SYTL5: variants seen among roughly 807,000 people sequenced by gnomAD.
The protein encoded by SYTL5 is synaptotagmin like 5, also known as synaptotagmin-like protein 5.
In SYTL5, 34 loss-of-function variants were observed where a neutral mutation model predicts 55.9. That is an observed-to-expected ratio of 0.61 (90% confidence interval 0.46 to 0.81). SYTL5 has a LOEUF of 0.81. SYTL5 is among the 30% of genes least tolerant of loss of function. The pLI, the probability that SYTL5 is intolerant of heterozygous loss-of-function variation, is 0.00. For synonymous variants in SYTL5, 221 were observed against 188.7 expected (o/e 1.17, Z -1.40); for missense variants, 637 against 546.7 (o/e 1.17, Z -1.65).
the SYTL5 span, among the ~76,000 whole-genome samples, chrX:37,911,019 G>A: frequency 2.7e-4 from 27 of 99,712 alleles, no homozygotes. Context: ...GGGATAGAGT[G>A]CAGCGGCGCC....
the SYTL5 span, among the ~76,000 whole-genome samples, chrX:37,925,677 T>A: frequency 9.0e-6 from 1 of 110,803 alleles, no homozygotes; most frequent in Non-Finnish European, 1.9e-5. Flanking sequence ...TCTTTAGTGG[T>A]GATTTTTGAG....
chrX:38,080,448 A>ACT (rs1936502292), intron 6 of SYTL5, among the ~76,000 whole-genome samples: 1 of 110,884 alleles, frequency 9.0e-6, no homozygotes, highest in Non-Finnish European at 1.9e-5. Context: ...CTCCACGCAC[A>ACT]CCAGTTTCAT....
chrX:38,113,884 G>A (rs1035094138), intron 13 of SYTL5, among the ~76,000 whole-genome samples: 1 of 111,108 alleles, frequency 9.0e-6, no homozygotes, highest in Non-Finnish European at 1.9e-5. Flanking sequence ...TCAATGACTG[G>A]TGGATTAAGG....
the SYTL5 span, among the ~76,000 whole-genome samples, chrX:37,932,508 AC>A: frequency 2.7e-5 from 3 of 111,804 alleles, no homozygotes; most frequent in African/African-American, 9.7e-5. Flanking sequence ...GAAAAGGAGA[AC>A]AAATAAACAA....
chrX:37,939,828 C>G, the SYTL5 span: 7 of 111,047 alleles, frequency 6.3e-5, no homozygotes, highest in Non-Finnish European at 1.1e-4. Context: ...TCTGCCCTAT[C>G]TTTTTGTCTT....
At chrX:37,889,644 T>G in the SYTL5 span, among the ~76,000 whole-genome samples, 1 of 111,216 alleles carries the variant, frequency 9.0e-6, no homozygotes, top group Non-Finnish European at 1.9e-5. Flanking sequence ...AAAGTAAAAT[T>G]TACCTAATAA....
At chrX:38,075,990 A>G (rs1010065656) in intron 5 of SYTL5, among the ~76,000 whole-genome samples, 7 of 112,117 alleles carry the variant, frequency 6.2e-5, no homozygotes, top group Admixed American at 5.7e-4. Context: ...ATCAGATTTT[A>G]TCCAACATGA....
rs759169726 is a variant in SYTL5 at position 38,096,546 on chromosome X, ATAT to A, written c.1062+318_1062+320del. On this transcript the variant is annotated intron_variant, in intron 9 of 16. Coordinates refer to ENST00000297875, the MANE Select transcript of SYTL5 (RefSeq NM_138780.3). The stretch of plus-strand genomic sequence containing the variant: ...AGATCCTAACATTTTCCTTAGCCAA[ATAT>A]TATTAGAAATATCTGATTACATATT... Among the ~76,000 whole-genome samples the A allele has an allele frequency of 8.3e-3, 926 of 111,559 alleles. 5 individuals are homozygous for A. The highest frequency in any genetic ancestry group is 0.047 in the Middle Eastern group (10 of 211).
chrX:37,937,793 C>G, the SYTL5 span, among the ~76,000 whole-genome samples: 1 of 112,371 alleles, frequency 8.9e-6, no homozygotes, highest in African/African-American at 3.2e-5. Flanking sequence ...CATGAGTGAG[C>G]TACACAGATG....
intron 1 of SYTL5, among the ~76,000 whole-genome samples, chrX:38,007,115 C>A (rs1489788013): frequency 9.0e-6 from 1 of 111,642 alleles, no homozygotes; most frequent in Non-Finnish European, 1.9e-5. Context: ...CTCTGAATTT[C>A]TTTCATTTAT....
intron 1 of SYTL5, among the ~76,000 whole-genome samples, chrX:38,019,728 G>A (rs1934480636): frequency 1.8e-5 from 2 of 111,154 alleles, no homozygotes; most frequent in Non-Finnish European, 3.8e-5. Context: ...CTCCCACGTG[G>A]AGGGTGCCTC....
chrX:38,056,739 G>A (rs769374820), intron 3 of SYTL5, among the ~76,000 whole-genome samples: 9 of 111,716 alleles, frequency 8.1e-5, no homozygotes, highest in African/African-American at 1.6e-4. Flanking sequence ...TTTCATATGC[G>A]TGTTTGCCAT....
chrX:38,023,435 C>G (rs1934632063), intron 1 of SYTL5, among the ~76,000 whole-genome samples: 1 of 111,715 alleles, frequency 9.0e-6, no homozygotes, highest in Admixed American at 9.5e-5. Flanking sequence ...TCTCTGACCC[C>G]TAACAATCCA....
the SYTL5 span, among the ~76,000 whole-genome samples, chrX:37,900,502 G>A: frequency 8.9e-6 from 1 of 111,853 alleles, no homozygotes; most frequent in Admixed American, 9.5e-5. Flanking sequence ...TTTTGAAGGA[G>A]GCAGTCAGGA....
At chrX:37,937,042 T>A in the SYTL5 span, among the ~76,000 whole-genome samples, 1 of 49,423 alleles carries the variant, frequency 2.0e-5, no homozygotes, top group Admixed American at 3.3e-4. Context: ...AGAGCAAGAC[T>A]GTCTCAAAAA....
At chrX:37,905,619 G>C in the SYTL5 span, among the ~76,000 whole-genome samples, 1 of 112,299 alleles carries the variant, frequency 8.9e-6, no homozygotes, top group South Asian at 3.7e-4. Context: ...TTGCAGACCG[G>C]TTGTTAAGTC....
At chrX:38,050,072 C>G (rs747881342) in intron 2 of SYTL5, among the ~76,000 whole-genome samples, 81 of 111,753 alleles carry the variant, frequency 7.2e-4, no homozygotes, top group Non-Finnish European at 1.4e-3. Flanking sequence ...CTCCCTTAGG[C>G]CTTGATGTGC....
intron 2 of SYTL5, among the ~76,000 whole-genome samples, chrX:38,036,658 C>T (rs1428995663): frequency 8.9e-6 from 1 of 112,091 alleles, no homozygotes; most frequent in African/African-American, 3.2e-5. Flanking sequence ...CTCTTAACAG[C>T]TTGGTGTATT....
Position 38,120,435 on chromosome X carries a change from G to A in SYTL5, c.1674G>A (p.Glu558=). Residue 558 remains glutamate, a synonymous_variant, in exon 14 of 17, where the codon GAG becomes GAA. Coordinates refer to ENST00000297875, the MANE Select transcript of SYTL5 (RefSeq NM_138780.3). The part of the protein sequence containing the change: ...TVVLRYIPPE[E]NLMLPPEQLQ... Reference sequence around the variant, plus strand: ...TTTTACGTTACATTCCCCCAGAAGAGAACCTGATGCTTCCACCAGAACAAC... The same window carrying A: ...TTTTACGTTACATTCCCCCAGAAGAAAACCTGATGCTTCCACCAGAACAAC... 1 of 1,208,430 alleles carries A rather than the reference G, an allele frequency of 8.3e-7. No homozygotes were observed. The highest frequency in any genetic ancestry group is 1.8e-5 in the South Asian group (1 of 56,892).
Sources: gnomAD v4.1 joint callset for allele counts (sites outside exome capture counted in the v4.1 genomes callset) on GRCh38, gnomAD v4.1.1 for gene constraint, MANE v1.5 for transcripts, NCBI Gene and HGNC (gene_info 2026-07-23, HGNC 2026-07-21) for gene names.